APOL2: variants seen among roughly 807,000 people sequenced by gnomAD.
APOL2 encodes the protein apolipoprotein L, 2.
In APOL2, 8 loss-of-function variants were observed where a neutral mutation model predicts 7.1. The ratio of observed to expected loss-of-function variants is 1.12; its 90% CI spans 0.66 to 2.03. The LOEUF (loss-of-function observed/expected upper bound fraction) is 2.03. Among genes scored for constraint, APOL2 ranks in the 30% most tolerant of loss-of-function variants. The probability of loss-of-function intolerance (pLI) is 0.00; values close to 1 mark genes in which losing one functional copy is unlikely to be tolerated. For synonymous variants in APOL2, 177 were observed against 159.9 expected (o/e 1.11, Z -0.81); for missense variants, 471 against 415.1 (o/e 1.13, Z -1.17).
At chr22:36,237,492 T>C in intron 1 of APOL2, 2 of 657,684 alleles carry the variant, frequency 3.0e-6, no homozygotes, top group Non-Finnish European at 3.9e-6. Context: ...TGCTGTAGCC[T>C]AGAGCCCCTG....
Position 36,233,397 on chromosome 22 carries a change from C to A in APOL2, c.-80+5G>T. On this transcript the variant is annotated splice_donor_5th_base_variant and intron_variant, in intron 2 of 4. Coordinates refer to ENST00000358502, the MANE Select transcript of APOL2 (RefSeq NM_030882.4). ...CCCTGCCAGCTAGTATTTACAGAAACTCACCTCGTTCCAGCTTCCTCTTCC... is the reference window on the plus strand; with the variant it reads ...CCCTGCCAGCTAGTATTTACAGAAAATCACCTCGTTCCAGCTTCCTCTTCC... 6.4e-7 allele frequency: 1 copy of A among 1,553,026 alleles called. No homozygotes were observed. The highest frequency in any genetic ancestry group is 8.7e-7 in the Non-Finnish European group (1 of 1,149,166).
chr22:36,229,505 G>A (rs1275453569), intron 4 of APOL2, among the ~76,000 whole-genome samples: 1 of 152,216 alleles, frequency 6.6e-6, no homozygotes, highest in African/African-American at 2.4e-5. Flanking sequence ...AGCCTCCTGA[G>A]GACAATGAAG....
chr22:36,233,038 A>G, intron 3 of APOL2, 115 bp downstream of exon 3: 2 of 1,080,494 alleles, frequency 1.9e-6, no homozygotes, highest in South Asian at 2.6e-5. Context: ...CTCGGGGCAG[A>G]CTCATTGGCC....
At chr22:36,230,586 T>C (rs9607325) in intron 4 of APOL2, among the ~76,000 whole-genome samples, 14,628 of 152,208 alleles carry the variant, frequency 0.096, 768 homozygotes, top group Admixed American at 0.14. Context: ...CTGACACTGG[T>C]CCCGGTCTCT....
chr22:36,237,496 G>T, intron 1 of APOL2: 1 of 617,806 alleles, frequency 1.6e-6, no homozygotes, highest in South Asian at 6.9e-5. Flanking sequence ...GTAGCCTAGA[G>T]CCCCTGGGCT....
chr22:36,236,009 G>A (rs1018694470), intron 1 of APOL2, among the ~76,000 whole-genome samples: 1 of 152,002 alleles, frequency 6.6e-6, no homozygotes, highest in Non-Finnish European at 1.5e-5. Context: ...CACAGTTTGA[G>A]AGAAACTGAG....
intron 4 of APOL2, among the ~76,000 whole-genome samples, chr22:36,229,123 G>A (rs2015127842): frequency 6.6e-6 from 1 of 152,136 alleles, no homozygotes; most frequent in Admixed American, 6.5e-5. Context: ...GTTTAGGGAG[G>A]GTCCTCCCCG....
chr22:36,239,003 A>G (rs1015123245), intron 1 of APOL2: 48 of 546,278 alleles, frequency 8.8e-5, no homozygotes, highest in African/African-American at 1.9e-4. Flanking sequence ...ATTGGGCTTC[A>G]GCAGCAGCAC....
In APOL2 at chr22:36,233,012, G is replaced by A. The variant is rs1210730026; in HGVS notation, c.10+141C>T. The A allele has an allele frequency of 4.0e-5, 35 of 865,056 alleles. No homozygotes were observed. In the South Asian group the frequency reaches 5.0e-4, roughly 12 times the overall value. 53.6% of individuals were successfully genotyped at this position (865,056 alleles called of 1,614,324 possible). A position where few individuals can be genotyped will look rare whatever the true frequency, so the allele number is the denominator to read the frequency against. ...AGACCCCTGGGTCGGGGGACTCCACGTGACCTCTTCTGCTGCTCGGGGCAG... is the reference window on the plus strand; with the variant it reads ...AGACCCCTGGGTCGGGGGACTCCACATGACCTCTTCTGCTGCTCGGGGCAG... On this transcript the variant is annotated intron_variant, in intron 3 of 4. Coordinates refer to ENST00000358502, the MANE Select transcript of APOL2 (RefSeq NM_030882.4).
chr22:36,239,357 T>C (rs537721003), intron 1 of APOL2, 84 bp downstream of exon 1: 88 of 1,419,430 alleles, frequency 6.2e-5, no homozygotes, highest in South Asian at 4.6e-4. Context: ...TCTGAGCTTA[T>C]CTACAAAAGC....
intron 1 of APOL2, chr22:36,236,652 C>T (rs969647797): frequency 7.1e-6 from 7 of 985,302 alleles, no homozygotes; most frequent in Non-Finnish European, 8.4e-6. Flanking sequence ...TCTTTGTTTG[C>T]AGACTTTATT....
intron 3 of APOL2, among the ~76,000 whole-genome samples, chr22:36,232,776 T>C (rs1450254413): frequency 6.6e-6 from 1 of 151,740 alleles, no homozygotes; most frequent in Non-Finnish European, 1.5e-5. Flanking sequence ...AGAAGAGCGG[T>C]AGATAAGAGA....
chr22:36,229,689 A>G (rs2146970837), intron 4 of APOL2, among the ~76,000 whole-genome samples: 1 of 152,322 alleles, frequency 6.6e-6, no homozygotes, highest in South Asian at 2.1e-4. Context: ...GAATCCCCAT[A>G]GATTTGCAGG....
rs997079202 is a variant in APOL2 at position 36,227,788 on chromosome 22, A to T, written c.630T>A (p.Val210=). The T allele has an allele frequency of 6.2e-7, 1 of 1,614,224 alleles. No individual in the cohort carries two copies. Among genetic ancestry groups the T allele is most frequent in the Non-Finnish European group, 8.5e-7 (1 of 1,180,044 alleles). Residue 210 remains valine (V), a synonymous_variant, in exon 5 of 5, where the codon GTT becomes GTA. Coordinates refer to ENST00000358502, the MANE Select transcript of APOL2 (RefSeq NM_030882.4). ...GGNTPNVLTL[V]DNWYQVTQGI... ...CTTGTGTGACTTGGTACCAATTGTC[A>T]ACTAAGGTAAGAACATTGGGTGTGT...
At chr22:36,229,176 C>A (rs1477902443) in intron 4 of APOL2, among the ~76,000 whole-genome samples, 1 of 152,198 alleles carries the variant, frequency 6.6e-6, no homozygotes, top group African/African-American at 2.4e-5. Context: ...ATGCTCCTCA[C>A]CCCCACCACT....
chr22:36,230,242 T>A (rs527516701), intron 4 of APOL2, among the ~76,000 whole-genome samples: 72 of 152,254 alleles, frequency 4.7e-4, no homozygotes, highest in African/African-American at 1.7e-3. Context: ...TCATTCTACT[T>A]TGGAAATGGT....
rs566520465 is a variant in APOL2 at position 36,228,290 on chromosome 22, G to A, written c.138-10C>T. ...CTCATCTGCCTCATCCCTGCACAAGGAAAGGTTAAAGGATTAAGAAATGCA... is the reference window on the plus strand; with the variant it reads ...CTCATCTGCCTCATCCCTGCACAAGAAAAGGTTAAAGGATTAAGAAATGCA... On this transcript the variant is annotated splice_polypyrimidine_tract_variant and intron_variant, in intron 4 of 4. Transcript: ENST00000358502. The A allele has an allele frequency of 1.9e-6, 3 of 1,608,702 alleles. No individual in the cohort carries two copies. The East Asian group carries it at 6.7e-5, about 36-fold the overall frequency.
chr22:36,226,227 T>C lies in APOL2; in HGVS notation c.*1177A>G, dbSNP rs1313212660. ...GTCCAGCTTGGTGAGTAGGTGAGTTTATTGGGACTTACACACAGGTCAATC... is the reference window on the plus strand; with the variant it reads ...GTCCAGCTTGGTGAGTAGGTGAGTTCATTGGGACTTACACACAGGTCAATC... On this transcript the variant is annotated 3_prime_UTR_variant, in exon 5 of 5. Transcript: ENST00000358502. 2 of 152,208 alleles carry C rather than the reference T, an allele frequency of 1.3e-5. No homozygotes were observed. Among genetic ancestry groups the C allele is most frequent in the African/African-American group, 4.8e-5 (2 of 41,428 alleles). The allele number at this position is 152,208 out of a possible 1,614,324, so 9.4% of individuals were successfully genotyped here.
chr22:36,232,039 T>A (rs1484824296), intron 3 of APOL2, among the ~76,000 whole-genome samples: 2 of 152,228 alleles, frequency 1.3e-5, no homozygotes, highest in Non-Finnish European at 2.9e-5. Flanking sequence ...TGGTCTCTCC[T>A]GGATTCGGAG....
Sources: allele counts gnomAD v4.1 joint callset (sites outside exome capture counted in the v4.1 genomes callset), GRCh38; gene constraint gnomAD v4.1.1; transcripts MANE v1.5; gene names NCBI Gene and HGNC (gene_info 2026-07-23, HGNC 2026-07-21).